Variants in PCNX4 observed in about 807,000 individuals in gnomAD.
The protein encoded by PCNX4 is pecanex 4.
In PCNX4, 103 loss-of-function variants were observed where a neutral mutation model predicts 107.2. The ratio of observed to expected loss-of-function variants is 0.96; its 90% confidence interval spans 0.82 to 1.13. The LOEUF (loss-of-function observed/expected upper bound fraction) is 1.13, where lower values mean the gene tolerates loss of function less well. Ranked by LOEUF, PCNX4 falls within the 50% of genes most tolerant of loss-of-function variation. The pLI, the probability that PCNX4 is intolerant of heterozygous loss-of-function variation, is 0.00. For missense variants in PCNX4, 1,528 were observed against 1,379.4 expected, an observed-to-expected ratio of 1.11 and a Z score of -1.71; for synonymous variants, 541 against 481.7, an observed-to-expected ratio of 1.12 and a Z score of -1.61.
rs1247051920 is a variant in PCNX4, at chr14:60,121,428, G to A, written c.2046+129G>A. On this transcript the variant is annotated intron_variant, in intron 8 of 10. Coordinates refer to ENST00000406854, the MANE Select transcript of PCNX4 (RefSeq NM_001330177.2). ...TCAATTACCTGTGAAAACACCTAGG[G>A]ATTTTTAAAGTATATTTCAATAAGC... The A allele has an allele frequency of 3.1e-6, 3 of 958,282 alleles. No homozygotes were observed. In the Admixed American group the frequency reaches 9.1e-5, roughly 29 times the overall value. The allele number at this position is 958,282 out of a possible 1,614,324, so 59.4% of individuals were successfully genotyped here.
rs1008814927 is a variant in PCNX4 at position 60,141,502 on chromosome 14, T to C, written c.*7281T>C. 6.6e-6 allele frequency: 1 copy of C among 152,230 alleles called. No homozygotes were observed. The highest frequency in any genetic ancestry group is 1.5e-5 in the Non-Finnish European group (1 of 68,042). The allele number at this position is 152,230 out of a possible 1,614,324, so 9.4% of individuals were successfully genotyped here. A position where few individuals can be genotyped will look rare whatever the true frequency, so the allele number is the denominator to read the frequency against. On this transcript the variant is annotated 3_prime_UTR_variant, in exon 11 of 11. Transcript: ENST00000406854. ...ATGAGGAAATACTGTAACTTTCGGCTTATACACATGACAACTTAGAAGAAA... is the reference window on the plus strand; with the variant it reads ...ATGAGGAAATACTGTAACTTTCGGCCTATACACATGACAACTTAGAAGAAA...
chr14:60,118,215 C>T, intron 6 of PCNX4, 114 bp from the exon 7 acceptor site: 13 of 1,281,438 alleles, frequency 1.0e-5, no homozygotes, highest in South Asian at 4.9e-5. Context: ...AGATTTATTT[C>T]TTCAAAAATA....
chr14:60,099,581 T>C (rs1237088989), intron 1 of PCNX4, among the ~76,000 whole-genome samples: 1 of 152,216 alleles, frequency 6.6e-6, no homozygotes, highest in East Asian at 1.9e-4. Flanking sequence ...GAGAGCAGTA[T>C]TATCACTGAG....
At chr14:60,133,629 C>T in intron 10 of PCNX4, 1 of 483,050 alleles carries the variant, frequency 2.1e-6, no homozygotes, top group Non-Finnish European at 4.0e-6. Flanking sequence ...TTAAAAAGAG[C>T]CTATTGTATC....
Position 60,138,148 on chromosome 14 carries a change from G to A in PCNX4, c.*3927G>A, listed in dbSNP as rs774372582. ...ATAGATTTGATAGAAAGTGCATACA[G>A]TGAAGTAAGAATTAGTGAACTAGAA... On this transcript the variant is annotated 3_prime_UTR_variant, in exon 11 of 11. Transcript: ENST00000406854. 6.6e-6 allele frequency: 1 copy of A among 151,212 alleles called. No individual in the cohort carries two copies. Among genetic ancestry groups the A allele is most frequent in the Non-Finnish European group, 1.5e-5 (1 of 67,928 alleles). 9.4% of individuals were successfully genotyped at this position (151,212 alleles called of 1,614,324 possible).
intron 1 of PCNX4, among the ~76,000 whole-genome samples, chr14:60,095,677 T>G (rs961401547): frequency 6.6e-6 from 1 of 151,932 alleles, no homozygotes; most frequent in Non-Finnish European, 1.5e-5. Flanking sequence ...CTCAGGTTGG[T>G]TTTTCCTCCC....
intron 10 of PCNX4, 161 bp from the exon 11 acceptor site, chr14:60,133,809 G>A: frequency 1.4e-6 from 1 of 707,942 alleles, no homozygotes; most frequent in Non-Finnish European, 2.3e-6. Flanking sequence ...CTGAATACAG[G>A]CAACTTGTGT....
intron 1 of PCNX4, among the ~76,000 whole-genome samples, chr14:60,105,049 A>G (rs1276511395): frequency 1.3e-5 from 2 of 152,138 alleles, no homozygotes; most frequent in Non-Finnish European, 2.9e-5. Flanking sequence ...GCATTATACC[A>G]ATTATGCATT....
chr14:60,095,004 C>T (rs950473049), intron 1 of PCNX4, among the ~76,000 whole-genome samples: 3 of 151,910 alleles, frequency 2.0e-5, no homozygotes, highest in Non-Finnish European at 4.4e-5. Context: ...GTTTTTCAAC[C>T]CAGGGAATTT....
chr14:60,100,012 C>G (rs911449803), intron 1 of PCNX4, among the ~76,000 whole-genome samples: 7 of 152,136 alleles, frequency 4.6e-5, no homozygotes, highest in African/African-American at 1.7e-4. Flanking sequence ...TTACAGTGAG[C>G]CAAGATCATG....
In PCNX4 at chr14:60,144,149, T is replaced by C. The variant is rs1043767121; in HGVS notation, c.*9928T>C. The C allele has an allele frequency of 6.6e-6, 1 of 152,270 alleles. No homozygotes were observed. Among genetic ancestry groups the C allele is most frequent in the African/African-American group, 2.4e-5 (1 of 41,456 alleles). 9.4% of individuals were successfully genotyped at this position (152,270 alleles called of 1,614,324 possible). A position where few individuals can be genotyped will look rare whatever the true frequency, so the allele number is the denominator to read the frequency against. ...TAGAAGACATACAACAGGTGTTTAA[T>C]GAATAATAGGTGCAATGAATCCTAC... On this transcript the variant is annotated 3_prime_UTR_variant, in exon 11 of 11. Transcript: ENST00000406854.
chr14:60,115,907 T>C, intron 5 of PCNX4, 34 bp from the exon 6 acceptor site: 1 of 1,594,796 alleles, frequency 6.3e-7, no homozygotes, highest in African/African-American at 1.3e-5. Flanking sequence ...TATCTAATTC[T>C]ACCTGATAAA....
intron 2 of PCNX4, among the ~76,000 whole-genome samples, chr14:60,111,557 A>G (rs368780766): frequency 2.7e-4 from 41 of 152,294 alleles, no homozygotes; most frequent in African/African-American, 9.4e-4. Flanking sequence ...TTCAGAATAC[A>G]AATTCTTGAG....
In PCNX4 at chr14:60,115,194, G is replaced by A. The variant is rs1895822035; in HGVS notation, c.1090G>A (p.Val364Ile). Reference sequence around the variant, plus strand: ...ATGCCTTTTCTACATCATTATATTAGTCTTGGCTCTTTTAGAAACTAGCTT... The same window carrying A: ...ATGCCTTTTCTACATCATTATATTAATCTTGGCTCTTTTAGAAACTAGCTT... ...KECLFYIIIL[V>I]LALLETSLLH... Residue 364 changes from valine to isoleucine, a missense_variant, in exon 4 of 11, where the codon GTC (valine) becomes ATC (isoleucine). By Grantham distance (29) the Val-to-Ile change is conservative. Transcript: ENST00000406854. 25 of 1,613,590 alleles carry A rather than the reference G, an allele frequency of 1.5e-5. No individual in the cohort carries two copies. Among genetic ancestry groups the A allele is most frequent in the Non-Finnish European group, 2.0e-5 (24 of 1,179,594 alleles).
Position 60,125,078 on chromosome 14 carries a change from CT to C in PCNX4, c.2911del (p.Tyr971MetfsTer5), listed in dbSNP as rs1275897306. 6.2e-7 allele frequency: 1 copy of C among 1,613,452 alleles called. No homozygotes were observed. The highest frequency in any genetic ancestry group is 8.5e-7 in the Non-Finnish European group (1 of 1,179,652). ...TTGCCAAGGACAAAGTTTTAAAAGA[CT>C]TTTATGTTCATACAGTAATGACTTG... is the stretch of plus-strand genomic sequence containing the variant. ...EIAKDKVLKD[F>X]YVHTVMTCYF... On this transcript the variant is annotated frameshift_variant, in exon 9 of 11. Transcript: ENST00000406854. LOFTEE classifies it high-confidence loss of function.
chr14:60,116,765 A>T (rs1292454356), intron 6 of PCNX4, among the ~76,000 whole-genome samples: 1 of 152,200 alleles, frequency 6.6e-6, no homozygotes, highest in Non-Finnish European at 1.5e-5. Flanking sequence ...AGAAGAAGGC[A>T]TTGTTATCAT....
rs1335036436 is a variant in PCNX4 at position 60,113,937 on chromosome 14, G to A, written c.690-763G>A. Among the ~76,000 whole-genome samples the A allele has an allele frequency of 5.3e-5, 8 of 152,280 alleles. No homozygotes were observed. In the East Asian group the frequency reaches 1.5e-3, roughly 29 times the overall value. On this transcript the variant is annotated intron_variant, in intron 2 of 10. Coordinates refer to ENST00000406854, the MANE Select transcript of PCNX4 (RefSeq NM_001330177.2). ...GGTACATTTAACTGTTAAGTGCTGTGCCAAGTTTGAGTTTCTCCACTTAAG... is the reference window on the plus strand; with the variant it reads ...GGTACATTTAACTGTTAAGTGCTGTACCAAGTTTGAGTTTCTCCACTTAAG...
At chr14:60,125,565 T>C (rs1896038845) in intron 9 of PCNX4, 72 bp from the exon 10 acceptor site, 4 of 1,139,226 alleles carry the variant, frequency 3.5e-6, no homozygotes, top group Non-Finnish European at 4.7e-6. Flanking sequence ...AATATTGGTT[T>C]AACAAAATCT....
intron 7 of PCNX4, 120 bp from the exon 8 acceptor site, chr14:60,121,076 G>C (rs1238221669): frequency 5.7e-6 from 7 of 1,229,132 alleles, no homozygotes; most frequent in Non-Finnish European, 6.5e-6. Flanking sequence ...CCTAATGAGA[G>C]GGTAGGAGTC....
Sources: allele counts gnomAD v4.1 joint callset (sites outside exome capture counted in the v4.1 genomes callset), GRCh38; gene constraint gnomAD v4.1.1; transcripts MANE v1.5; gene names NCBI Gene and HGNC (gene_info 2026-07-23, HGNC 2026-07-21).